Variants in NCAM2 observed in about 807,000 individuals in gnomAD.
NCAM2 encodes the protein neural cell adhesion molecule 2, also known as N-CAM-2.
A neutral mutation model predicts 98.1 loss-of-function variants in NCAM2; 30 were observed. The observed-to-expected ratio is 0.31, with a 90% CI of 0.23 to 0.41. The LOEUF is 0.41. Among genes scored for constraint, NCAM2 ranks in the 10% least tolerant of loss-of-function variants. The pLI is 1.00. For missense variants in NCAM2, 867 were observed against 1,005.8 expected, an observed-to-expected ratio of 0.86 and a Z score of 1.87; for synonymous variants, 368 against 342.4, an observed-to-expected ratio of 1.07 and a Z score of -0.83.
At chr21:21,000,189 T>C (rs1244460451) in intron 1 of NCAM2, among the ~76,000 whole-genome samples, 1 of 152,232 alleles carries the variant, frequency 6.6e-6, no homozygotes, top group Non-Finnish European at 1.5e-5. Flanking sequence ...GCTGATTGTG[T>C]TTAACTGTTC....
intron 1 of NCAM2, among the ~76,000 whole-genome samples, chr21:21,218,854 G>GC (rs2070018296): frequency 1.3e-5 from 2 of 152,184 alleles, no homozygotes; most frequent in Admixed American, 6.5e-5. Context: ...GTCTAGCCTG[G>GC]CCAACATGGT....
At chr21:21,483,571 A>G (rs2009029) in intron 15 of NCAM2, among the ~76,000 whole-genome samples, 117,093 of 151,890 alleles carry the variant, frequency 0.77, 45,936 homozygotes, top group African/African-American at 0.87. Flanking sequence ...AACACATGGC[A>G]AATATGAAAA....
At chr21:21,519,265 G>A (rs2146383442) in intron 16 of NCAM2, among the ~76,000 whole-genome samples, 1 of 152,240 alleles carries the variant, frequency 6.6e-6, no homozygotes, top group Admixed American at 6.5e-5. Context: ...GCTATTGTGT[G>A]AAGAATGGGT....
chr21:21,391,996 A>C (rs2076391505), intron 9 of NCAM2, among the ~76,000 whole-genome samples: 1 of 152,150 alleles, frequency 6.6e-6, no homozygotes, highest in African/African-American at 2.4e-5. Context: ...ACACAGGTAA[A>C]CCTGAGTCAG....
intron 15 of NCAM2, among the ~76,000 whole-genome samples, chr21:21,498,502 G>A (rs372586582): frequency 1.3e-5 from 2 of 151,982 alleles, no homozygotes; most frequent in African/African-American, 4.8e-5. Context: ...AACACATGTT[G>A]TACCCATACA....
intron 1 of NCAM2, among the ~76,000 whole-genome samples, chr21:21,038,151 C>T (rs1220719727): frequency 6.6e-6 from 1 of 152,164 alleles, no homozygotes; most frequent in East Asian, 1.9e-4. Context: ...TGTTAACTTA[C>T]CAATTAGCAT....
In NCAM2 at chr21:21,125,470, A is replaced by G. The variant is rs1171035991; in HGVS notation, c.55+126852A>G. ...GTATTACATATATAGAGACAGATAT[A>G]TATATCTATATATAGATATATATGT... is the stretch of plus-strand genomic sequence containing the variant. On this transcript the variant is annotated intron_variant, in intron 1 of 17. Coordinates refer to ENST00000400546, the MANE Select transcript of NCAM2 (RefSeq NM_004540.5). 9.9e-5 allele frequency among the ~76,000 whole-genome samples: 2 copies of G among 20,182 alleles called. 1 individual carries two copies. The highest frequency in any genetic ancestry group is 2.1e-4 in the African/African-American group (2 of 9,508). 13.2% of individuals were successfully genotyped at this position (20,182 alleles called of 152,430 possible).
chr21:21,389,664 A>G (rs748108809), intron 9 of NCAM2, among the ~76,000 whole-genome samples: 2 of 152,100 alleles, frequency 1.3e-5, no homozygotes, highest in Non-Finnish European at 2.9e-5. Context: ...GCTCCCAAAT[A>G]TAAGTGAGAA....
Position 21,082,290 on chromosome 21 carries a change from A to AAAC in NCAM2, c.55+83674_55+83675insCAA, listed in dbSNP as rs1555882252. Among the ~76,000 whole-genome samples, 194 of 149,388 alleles carry AAAC rather than the reference A, an allele frequency of 1.3e-3. 3 individuals carry two copies. The highest frequency in any genetic ancestry group is 8.2e-3 in the South Asian group (39 of 4,766). ...CTATCAGAGCTCAAAACAAAAAAAA[A>AAAC]AAAACAAAACAAAAACACCTTATTG... On this transcript the variant is annotated intron_variant, in intron 1 of 17. Transcript: ENST00000400546.
At chr21:21,249,284 T>C (rs1461055981) in intron 1 of NCAM2, among the ~76,000 whole-genome samples, 1 of 152,204 alleles carries the variant, frequency 6.6e-6, no homozygotes, top group Non-Finnish European at 1.5e-5. Context: ...GCATGATCTT[T>C]AGCTAATACA....
intron 1 of NCAM2, among the ~76,000 whole-genome samples, chr21:21,268,006 A>G (rs2147406228): frequency 6.6e-6 from 1 of 152,242 alleles, no homozygotes; most frequent in Non-Finnish European, 1.5e-5. Flanking sequence ...ACCCTTAGAT[A>G]CATGCTCATA....
At chr21:21,271,754 A>T (rs1276707087) in intron 1 of NCAM2, among the ~76,000 whole-genome samples, 2 of 152,196 alleles carry the variant, frequency 1.3e-5, no homozygotes, top group East Asian at 3.8e-4. Context: ...ATAGAGTAAT[A>T]AAAAAGTGGG....
At chr21:21,410,548 T>C in intron 10 of NCAM2, 87 bp downstream of exon 10, 1 of 514,470 alleles carries the variant, frequency 1.9e-6, no homozygotes, top group Non-Finnish European at 3.0e-6. Flanking sequence ...TTCATATGCA[T>C]ATATATATAT....
intron 5 of NCAM2, among the ~76,000 whole-genome samples, chr21:21,298,150 A>G (rs943820693): frequency 2.0e-5 from 3 of 151,778 alleles, no homozygotes; most frequent in Non-Finnish European, 2.9e-5. Context: ...AATGAGGCAA[A>G]AAAACTTTTC....
intron 12 of NCAM2, among the ~76,000 whole-genome samples, chr21:21,454,226 G>T (rs1035981293): frequency 6.7e-6 from 1 of 150,324 alleles, no homozygotes; most frequent in Non-Finnish European, 1.5e-5. Flanking sequence ...ACTGTTCAAG[G>T]AAGTGAGAAT....
intron 15 of NCAM2, among the ~76,000 whole-genome samples, chr21:21,493,016 A>T (rs904201977): frequency 6.6e-6 from 1 of 151,902 alleles, no homozygotes; most frequent in African/African-American, 2.4e-5. Flanking sequence ...CTTGAAAAAC[A>T]TCCTATTTCT....
intron 4 of NCAM2, among the ~76,000 whole-genome samples, chr21:21,288,349 A>T (rs1426350223): frequency 6.6e-6 from 1 of 151,934 alleles, no homozygotes; most frequent in Non-Finnish European, 1.5e-5. Flanking sequence ...TTAATAAATG[A>T]CATGTATCGC....
chr21:21,401,845 G>C (rs2076637541), intron 9 of NCAM2, among the ~76,000 whole-genome samples: 1 of 152,122 alleles, frequency 6.6e-6, no homozygotes, highest in African/African-American at 2.4e-5. Context: ...GGTAATTGTT[G>C]CAGGAAGTCA....
At chr21:21,026,343 C>T (rs1439955361) in intron 1 of NCAM2, among the ~76,000 whole-genome samples, 1 of 152,190 alleles carries the variant, frequency 6.6e-6, no homozygotes, top group African/African-American at 2.4e-5. Flanking sequence ...TTGAGATTAT[C>T]TCCATGAAAA....
Sources: allele counts gnomAD v4.1 joint callset (sites outside exome capture counted in the v4.1 genomes callset), GRCh38; gene constraint gnomAD v4.1.1; transcripts MANE v1.5; gene names NCBI Gene and HGNC (gene_info 2026-07-23, HGNC 2026-07-21).